The following TBX1 variants were observed in gnomAD, a reference collection of about 807,000 sequenced individuals.
The protein encoded by TBX1 is T-box transcription factor 1, also known as T-box transcription factor TBX1.
In TBX1, 16 loss-of-function variants were observed where a neutral mutation model predicts 40.8. That is an observed-to-expected ratio of 0.39 (90% CI 0.27 to 0.60). The LOEUF (loss-of-function observed/expected upper bound fraction) is 0.60. Ranked by LOEUF, TBX1 falls within the 20% of genes least tolerant of loss-of-function variation. TBX1 has a pLI of 0.51. For missense variants in TBX1, 755 were observed against 728.5 expected, an observed-to-expected ratio of 1.04 and a Z score of -0.42; for synonymous variants, 403 against 336.8, an observed-to-expected ratio of 1.20 and a Z score of -2.15.
downstream of TBX1, among the ~76,000 whole-genome samples, chr22:19,767,859 C>A (rs1203826190): frequency 6.6e-6 from 1 of 152,234 alleles, no homozygotes; most frequent in Non-Finnish European, 1.5e-5. Context: ...GTTCTGCTAG[C>A]ATTTCCCCTG....
downstream of TBX1, among the ~76,000 whole-genome samples, chr22:19,768,558 C>T (rs981848025): frequency 6.6e-6 from 1 of 152,166 alleles, no homozygotes. Flanking sequence ...GCTGTGGATG[C>T]CCATTCCCAA....
downstream of TBX1, among the ~76,000 whole-genome samples, chr22:19,781,757 T>C (rs1376981309): frequency 6.6e-6 from 1 of 152,246 alleles, no homozygotes; most frequent in Non-Finnish European, 1.5e-5. Flanking sequence ...TTTGCATTTG[T>C]AAATCCAGTT....
Position 19,767,099 on chromosome 22 carries a change from G to C in TBX1, c.*232G>C. 7.9e-7 allele frequency: 1 copy of C among 1,260,166 alleles called. No individual in the cohort carries two copies. The allele number at this position is 1,260,166 out of a possible 1,614,324, so 78.1% of individuals were successfully genotyped here. ...CTGGAGCCACCGCGGGTCCTTCCCC[G>C]GCCCCGAGGGCCAAGGGGGTCCCCG... On this transcript the variant is annotated 3_prime_UTR_variant, in exon 7 of 7. Coordinates refer to ENST00000649276, the MANE Select transcript of TBX1 (RefSeq NM_001379200.1).
At chr22:19,762,353 C>T (rs1375027645) in intron 1 of TBX1, among the ~76,000 whole-genome samples, 3 of 152,238 alleles carry the variant, frequency 2.0e-5, no homozygotes, top group African/African-American at 4.8e-5. Flanking sequence ...GTCTTCTGCC[C>T]ACCGCCTGCA....
downstream of TBX1, among the ~76,000 whole-genome samples, chr22:19,780,776 G>GGTTTTTTTTTTTTT (rs1555898567): frequency 8.4e-6 from 1 of 119,104 alleles, no homozygotes; most frequent in African/African-American, 3.4e-5. Context: ...CTTGTTTTCT[G>GGTTTTTTTTTTTTT]TTTTTTTTTT....
intron 1 of TBX1, among the ~76,000 whole-genome samples, chr22:19,761,585 C>G (rs1184599033): frequency 6.6e-6 from 1 of 151,936 alleles, no homozygotes; most frequent in Non-Finnish European, 1.5e-5. Context: ...CAGGACGCCG[C>G]GCGGCCCAGA....
downstream of TBX1, among the ~76,000 whole-genome samples, chr22:19,780,883 T>C (rs898179201): frequency 7.4e-5 from 11 of 149,446 alleles, no homozygotes; most frequent in South Asian, 2.2e-4. Context: ...CCTGGGTTCA[T>C]GCCATTCTCC....
chr22:19,771,949 C>CGGCTT (rs1328709231), downstream of TBX1, among the ~76,000 whole-genome samples: 2 of 152,198 alleles, frequency 1.3e-5, no homozygotes, highest in Admixed American at 6.5e-5. Context: ...GTGGTGACTC[C>CGGCTT]GGCTTCTGTC....
At chr22:19,779,446 T>C (rs1333296473) in exon 9 of TBX1, 1 of 1,613,424 alleles carries the variant, frequency 6.2e-7, no homozygotes, top group African/African-American at 1.3e-5. Context: ...AGTTGTCGTG[T>C]TTCCCTTCAC....
At chr22:19,762,895 TGCTGCCG>T (rs528638120) in intron 1 of TBX1, among the ~76,000 whole-genome samples, 6 of 152,216 alleles carry the variant, frequency 3.9e-5, no homozygotes, top group Non-Finnish European at 8.8e-5. Context: ...TTAGGCACCC[TGCTGCCG>T]GCCGAAGCTG....
intron 2 of TBX1, 78 bp downstream of exon 2, chr22:19,763,420 C>T: frequency 7.4e-7 from 1 of 1,350,364 alleles, no homozygotes; most frequent in Non-Finnish European, 1.1e-6. Context: ...TGACCCAACT[C>T]CAAGGGTCGT....
Position 19,779,418 on chromosome 22 carries a change from C to T in TBX1, c.*11C>T, listed in dbSNP as rs72646973. On this transcript the variant is annotated 3_prime_UTR_variant, in exon 9 of 9. Coordinates refer to the TBX1 transcript ENST00000329705. ...GACCGTCTTTGTTGAATGCTGAGGC[C>T]GGGCCATGGGCACATGGAGTTGTCG... 3,209 of 1,614,062 alleles carry T rather than the reference C, an allele frequency of 2.0e-3. 3 individuals carry two copies. The highest frequency in any genetic ancestry group is 2.5e-3 in the Non-Finnish European group (2,961 of 1,180,004).
At chr22:19,764,628 A>G (rs573925476) in intron 3 of TBX1, among the ~76,000 whole-genome samples, 2 of 152,236 alleles carry the variant, frequency 1.3e-5, no homozygotes, top group Non-Finnish European at 2.9e-5. Context: ...TTATGCAGGA[A>G]GCTTTTTTAA....
chr22:19,759,480 G>C (rs1348163019), upstream of TBX1: 2 of 1,442,964 alleles, frequency 1.4e-6, no homozygotes, highest in East Asian at 5.3e-5. Context: ...CGCCGGCCAG[G>C]CCGCCGGGCG....
chr22:19,765,993 A>G lies in TBX1; in HGVS notation c.1027A>G (p.Thr343Ala), dbSNP rs1375485022. 6.6e-7 allele frequency: 1 copy of G among 1,511,432 alleles called. No homozygotes were observed. The allele number at this position is 1,511,432 out of a possible 1,614,324, so 93.6% of individuals were successfully genotyped here. A position where few individuals can be genotyped will look rare whatever the true frequency, so the allele number is the denominator to read the frequency against. The part of the protein sequence containing the change: ...PVASPTQPSG[T>A]EKDAAEARRE... ...GGCTTCCCCGACGCAGCCCAGCGGC[A>G]CGGAGAAAGGTAGGGCCGGGGTCGT... Residue 343 changes from threonine (T) to alanine (A), a missense_variant, in exon 6 of 7, where the codon ACG becomes GCG. Physicochemically the swap from Thr to Ala is moderately conservative, Grantham distance 58. Coordinates refer to ENST00000649276, the MANE Select transcript of TBX1 (RefSeq NM_001379200.1).
chr22:19,762,878 G>A lies in TBX1; in HGVS notation c.438-363G>A, dbSNP rs41298810. On this transcript the variant is annotated intron_variant, in intron 1 of 6. Coordinates refer to ENST00000649276, the MANE Select transcript of TBX1 (RefSeq NM_001379200.1). ...TCAAGCTGGGGAGGCTCTGCTAAGG[G>A]CGCACGTTAGGCACCCTGCTGCCGG... 2.1e-3 allele frequency among the ~76,000 whole-genome samples: 313 copies of A among 152,328 alleles called. 2 individuals carry two copies. Among genetic ancestry groups the A allele is most frequent in the African/African-American group, 7.1e-3 (297 of 41,582 alleles).
chr22:19,783,583 A>C (rs945469233), downstream of TBX1: 2 of 163,740 alleles, frequency 1.2e-5, no homozygotes, highest in African/African-American at 4.9e-5. Context: ...ACAAACAAAC[A>C]AACCAAAAAA....
chr22:19,778,673 G>T (rs1040585640), intron 8 of TBX1, among the ~76,000 whole-genome samples: 3 of 151,980 alleles, frequency 2.0e-5, no homozygotes, highest in African/African-American at 7.2e-5. Context: ...GGGCTCAAAT[G>T]ATCCGCCTGC....
upstream of TBX1, among the ~76,000 whole-genome samples, chr22:19,758,121 G>A (rs1936528016): frequency 6.6e-6 from 1 of 152,172 alleles, no homozygotes; most frequent in Non-Finnish European, 1.5e-5. Flanking sequence ...GCCCGTTACT[G>A]GGCCTTCCCA....
Sources: allele counts gnomAD v4.1 joint callset (sites outside exome capture counted in the v4.1 genomes callset), GRCh38; gene constraint gnomAD v4.1.1; transcripts MANE v1.5; gene names NCBI Gene and HGNC (gene_info 2026-07-23, HGNC 2026-07-21).